Variants in PCDHGB1 observed in about 807,000 individuals in gnomAD.
The protein encoded by PCDHGB1 is protocadherin gamma-B1.
In PCDHGB1, 34 loss-of-function variants were observed where a neutral mutation model predicts 56.6. The observed-to-expected ratio is 0.60, with a 90% confidence interval of 0.46 to 0.80. The LOEUF (loss-of-function observed/expected upper bound fraction) is 0.80. Ranked by LOEUF, PCDHGB1 falls within the 30% of genes least tolerant of loss-of-function variation. The pLI, the probability that PCDHGB1 is intolerant of heterozygous loss-of-function variation, is 0.00. For missense variants in PCDHGB1, 1,278 were observed against 1,204.6 expected (o/e 1.06, Z -0.90); for synonymous variants, 561 against 505.9 (o/e 1.11, Z -1.46).
At chr5:141,375,105 A>G (rs371346343) in intron 1 of PCDHGB1, 56 of 1,613,840 alleles carry the variant, frequency 3.5e-5, no homozygotes, top group East Asian at 3.1e-4. Context: ...TTGGATGTCA[A>G]TGATAATGTA....
At chr5:141,392,771 A>G in intron 1 of PCDHGB1, 1 of 1,514,130 alleles carries the variant, frequency 6.6e-7, no homozygotes, top group Non-Finnish European at 8.8e-7. Flanking sequence ...AGACCCATTT[A>G]TGCACAGTGA....
chr5:141,375,706 T>A lies in PCDHGB1; in HGVS notation c.2409+23037T>A, dbSNP rs1771783904. 12 of 1,614,114 alleles carry A rather than the reference T, an allele frequency of 7.4e-6. No individual in the cohort carries two copies. The East Asian group carries it at 2.2e-4, about 30-fold the overall frequency. On this transcript the variant is annotated intron_variant, in intron 1 of 3. Coordinates refer to ENST00000523390, the MANE Select transcript of PCDHGB1 (RefSeq NM_018922.3). ...CAGCCAGCGACAGCGGGGACCCGCCTCTTAGCAGCAACGTGTCACTGAGCC... is the reference window on the plus strand; with the variant it reads ...CAGCCAGCGACAGCGGGGACCCGCCACTTAGCAGCAACGTGTCACTGAGCC...
At chr5:141,404,773 C>T (rs753809742) in intron 1 of PCDHGB1, 1 of 1,613,856 alleles carries the variant, frequency 6.2e-7, no homozygotes, top group South Asian at 1.1e-5. Flanking sequence ...TCTCCTACCG[C>T]CTATTCAAGG....
intron 1 of PCDHGB1, chr5:141,420,067 A>C (rs2096463342): frequency 6.2e-7 from 1 of 1,614,034 alleles, no homozygotes; most frequent in Non-Finnish European, 8.5e-7. Flanking sequence ...CCAAGTCCGG[A>C]CCTGTGGGTC....
At chr5:141,360,539 A>T (rs1334168978) in intron 1 of PCDHGB1, 1 of 1,614,000 alleles carries the variant, frequency 6.2e-7, no homozygotes, top group Non-Finnish European at 8.5e-7. Flanking sequence ...CTATTCAAAC[A>T]GACTAAGATT....
intron 1 of PCDHGB1, chr5:141,405,320 C>A (rs1183399090): frequency 6.2e-7 from 1 of 1,614,188 alleles, no homozygotes; most frequent in South Asian, 1.1e-5. Flanking sequence ...GAAAAATGAG[C>A]CTTTGTGCGT....
At chr5:141,439,622 TCC>T (rs1374759651) in intron 1 of PCDHGB1, among the ~76,000 whole-genome samples, 1 of 152,134 alleles carries the variant, frequency 6.6e-6, no homozygotes, top group Non-Finnish European at 1.5e-5. Context: ...AATGAGCCAA[TCC>T]CCAGACATTC....
Position 141,432,084 on chromosome 5 carries a change from TG to T in PCDHGB1, c.2410-62721del. 6.2e-7 allele frequency: 1 copy of T among 1,614,186 alleles called. No homozygotes were observed. Among genetic ancestry groups the T allele is most frequent in the Non-Finnish European group, 8.5e-7 (1 of 1,180,034 alleles). ...ACGGAAACTCATATCTCGCTGAACG[TG>T]GCAGACACCAACGACAACCCGCCGG... On this transcript the variant is annotated intron_variant, in intron 1 of 3. Transcript: ENST00000523390. The surrounding 1 kb of genome is among the most constrained non-coding windows in gnomAD (Gnocchi z 6.0).
intron 1 of PCDHGB1, among the ~76,000 whole-genome samples, chr5:141,435,308 A>G (rs2097757210): frequency 6.6e-6 from 1 of 152,186 alleles, no homozygotes; most frequent in African/African-American, 2.4e-5. Flanking sequence ...GTTTTAAATC[A>G]TTCATGAACT....
Position 141,398,085 on chromosome 5 carries a change from T to C in PCDHGB1, c.2409+45416T>C, listed in dbSNP as rs140389005. 4,220 of 1,598,288 alleles carry C rather than the reference T, an allele frequency of 2.6e-3. 81 individuals carry two copies. In the African/African-American group the frequency reaches 0.047, roughly 18 times the overall value. ...TACAATACAGAGGTTATTTGTAACCTGGCGTCTCCAGGCTGGTGAGCAAGC... is the reference window on the plus strand; with the variant it reads ...TACAATACAGAGGTTATTTGTAACCCGGCGTCTCCAGGCTGGTGAGCAAGC... On this transcript the variant is annotated intron_variant, in intron 1 of 3. Coordinates refer to ENST00000523390, the MANE Select transcript of PCDHGB1 (RefSeq NM_018922.3).
chr5:141,507,559 G>T (rs542787142), intron 3 of PCDHGB1, among the ~76,000 whole-genome samples: 1 of 152,368 alleles, frequency 6.6e-6, no homozygotes, highest in African/African-American at 2.4e-5. Flanking sequence ...GTGGCAGGCG[G>T]CTGGGTCTGA....
intron 1 of PCDHGB1, chr5:141,413,040 C>G: frequency 1.2e-6 from 1 of 840,546 alleles, no homozygotes; most frequent in Non-Finnish European, 1.8e-6. Flanking sequence ...GGCTGCTGGG[C>G]TGCAGGGAAG....
chr5:141,448,122 C>A (rs1315243727), intron 1 of PCDHGB1, among the ~76,000 whole-genome samples: 1 of 151,820 alleles, frequency 6.6e-6, no homozygotes, highest in Non-Finnish European at 1.5e-5. Context: ...AAATTAGCCT[C>A]CCCCACCCTC....
chr5:141,425,979 A>T lies in PCDHGB1; in HGVS notation c.2410-68828A>T, dbSNP rs114212354. ...GTCCAACACATCAGTCTAATTCTGA[A>T]TCCCATTGAATTAGCAAAGGCTTCC... On this transcript the variant is annotated intron_variant, in intron 1 of 3. Coordinates refer to ENST00000523390, the MANE Select transcript of PCDHGB1 (RefSeq NM_018922.3). Among the ~76,000 whole-genome samples, 592 of 152,328 alleles carry T rather than the reference A, an allele frequency of 3.9e-3. 5 individuals carry two copies. Among genetic ancestry groups the T allele is most frequent in the African/African-American group, 0.014 (563 of 41,580 alleles).
rs372054375 is a variant in PCDHGB1, at chr5:141,490,825, A to T, written c.2410-3982A>T. 9 of 1,613,692 alleles carry T rather than the reference A, an allele frequency of 5.6e-6. No individual in the cohort carries two copies. The highest frequency in any genetic ancestry group is 3.3e-4 in the Middle Eastern group (2 of 6,062). On this transcript the variant is annotated intron_variant, in intron 1 of 3. Transcript: ENST00000523390. This position sits in a 1 kb window ranked among gnomAD's most constrained non-coding sequence, Gnocchi z 5.4. ...TACCTTTGACTATGAATTGCTGCAG[A>T]TGCTGCAGATTGTGGTGGGGGTTCG... is the stretch of plus-strand genomic sequence containing the variant.
At chr5:141,393,592 G>T (rs200863279) in intron 1 of PCDHGB1, 1 of 1,613,908 alleles carries the variant, frequency 6.2e-7, no homozygotes, top group South Asian at 1.1e-5. Flanking sequence ...CCAGGCACGC[G>T]GCTGCTTACT....
chr5:141,495,921 T>C (rs959070876), intron 2 of PCDHGB1, among the ~76,000 whole-genome samples: 1 of 152,196 alleles, frequency 6.6e-6, no homozygotes, highest in Non-Finnish European at 1.5e-5. Context: ...TCTTTCTTTG[T>C]CTCTGTCTCT....
intron 1 of PCDHGB1, chr5:141,418,306 GA>G: frequency 6.2e-7 from 1 of 1,614,032 alleles, no homozygotes; most frequent in East Asian, 2.2e-5. Flanking sequence ...TCAGCCTGGG[GA>G]TGGGAACAAT....
intron 1 of PCDHGB1, chr5:141,357,826 T>A (rs1760741595): frequency 1.5e-6 from 1 of 686,352 alleles, no homozygotes; most frequent in Non-Finnish European, 2.4e-6. Context: ...TCCTTTTTGG[T>A]CTTCATTCAG....
Sources: allele counts gnomAD v4.1 joint callset (sites outside exome capture counted in the v4.1 genomes callset), GRCh38; gene constraint gnomAD v4.1.1; non-coding constraint Gnocchi (gnomAD v3.1); transcripts MANE v1.5; gene names NCBI Gene and HGNC (gene_info 2026-07-23, HGNC 2026-07-21).